GPAT3: variants seen among roughly 807,000 people sequenced by gnomAD.
GPAT3 encodes glycerol-3-phosphate acyltransferase 3.
GPAT3 carries 53 observed loss-of-function variants against 58.8 expected under a neutral mutation model. The ratio of observed to expected loss-of-function variants is 0.90; its 90% CI spans 0.72 to 1.13. The LOEUF is 1.13. Ranked by LOEUF, GPAT3 falls within the 50% of genes most tolerant of loss-of-function variation. GPAT3 has a pLI of 0.00. For missense variants in GPAT3, 511 were observed against 527.6 expected (o/e 0.97, Z 0.31); for synonymous variants, 197 against 187.4 (o/e 1.05, Z -0.42).
At position 83,578,948 on chromosome 4, in the gene GPAT3, T is replaced by TCTTTCTTTCTTTCTTTCTTGCTTTCTTTC. The variant is rs11392342; in HGVS notation, c.209-2614_209-2613insCTTTCTTTCTTTCTTTCTTGCTTTCTTTC. Among the ~76,000 whole-genome samples, 14 of 71,844 alleles carry TCTTTCTTTCTTTCTTTCTTGCTTTCTTTC rather than the reference T, an allele frequency of 1.9e-4. 1 individual carries two copies. Among genetic ancestry groups the TCTTTCTTTCTTTCTTTCTTGCTTTCTTTC allele is most frequent in the African/African-American group, 7.9e-4 (14 of 17,826 alleles). 47.1% of individuals were successfully genotyped at this position (71,844 alleles called of 152,430 possible). A position where few individuals can be genotyped will look rare whatever the true frequency, so the allele number is the denominator to read the frequency against. ...TTCTTTCTTTCTTTCTTTTCTTTTC[T>TCTTTCTTTCTTTCTTTCTTGCTTTCTTTC]TTTCTTTCTTTCTTTCTTTCTTTCT... On this transcript the variant is annotated intron_variant, in intron 2 of 11. Transcript: ENST00000264409.
intron 1 of GPAT3, 84 bp downstream of exon 1, chr4:83,536,847 G>A (rs962384655): frequency 7.4e-7 from 1 of 1,356,304 alleles, no homozygotes; most frequent in Non-Finnish European, 1.0e-6. Context: ...CAGTGGTCGC[G>A]AGTCAGGGGT....
At chr4:83,590,530 C>T (rs1726556539) in intron 6 of GPAT3, among the ~76,000 whole-genome samples, 1 of 152,172 alleles carries the variant, frequency 6.6e-6, no homozygotes. Flanking sequence ...TGCAGACATT[C>T]TTGAGCTTAA....
chr4:83,539,329 C>A (rs1724211370), intron 1 of GPAT3, among the ~76,000 whole-genome samples: 1 of 152,182 alleles, frequency 6.6e-6, no homozygotes, highest in African/African-American at 2.4e-5. Context: ...TTTTTCTTTA[C>A]ATTTCATTCC....
intron 7 of GPAT3, among the ~76,000 whole-genome samples, chr4:83,596,052 G>A (rs573926245): frequency 2.7e-4 from 41 of 152,226 alleles, no homozygotes; most frequent in Non-Finnish European, 4.3e-4. Context: ...TGGTTGCAGG[G>A]AGGACAGGAC....
chr4:83,545,814 A>G (rs1724485135), intron 2 of GPAT3, among the ~76,000 whole-genome samples: 1 of 152,150 alleles, frequency 6.6e-6, no homozygotes. Flanking sequence ...CTTATGATTT[A>G]AGGAAAGAAC....
At chr4:83,573,281 G>T (rs1218367869) in intron 2 of GPAT3, among the ~76,000 whole-genome samples, 2 of 152,118 alleles carry the variant, frequency 1.3e-5, no homozygotes, top group African/African-American at 4.8e-5. Context: ...TGGGACTACA[G>T]GTGCTTGCCA....
chr4:83,554,338 T>C (rs1724872488), intron 2 of GPAT3, among the ~76,000 whole-genome samples: 1 of 152,126 alleles, frequency 6.6e-6, no homozygotes, highest in Non-Finnish European at 1.5e-5. Flanking sequence ...TTAGCCAGTA[T>C]CTACCACATT....
chr4:83,539,625 TATC>T (rs925417087), intron 1 of GPAT3, among the ~76,000 whole-genome samples: 32 of 152,342 alleles, frequency 2.1e-4, no homozygotes, highest in African/African-American at 7.5e-4. Flanking sequence ...TTCAAGTAAT[TATC>T]ATTTATTGAG....
At chr4:83,546,582 C>A (rs1400168114) in intron 2 of GPAT3, among the ~76,000 whole-genome samples, 1 of 151,988 alleles carries the variant, frequency 6.6e-6, no homozygotes, top group Non-Finnish European at 1.5e-5. Flanking sequence ...AATGCTGATA[C>A]CCGCAAAATT....
chr4:83,560,964 C>T (rs369030482), intron 2 of GPAT3, among the ~76,000 whole-genome samples: 51 of 152,264 alleles, frequency 3.3e-4, no homozygotes, highest in African/African-American at 1.0e-3. Flanking sequence ...CCTGCAGACC[C>T]GTGAGACAAT....
In GPAT3 at chr4:83,561,819, AAG is replaced by A. The variant is rs70965358; in HGVS notation, c.208+17227_208+17228del. 3.4e-4 allele frequency among the ~76,000 whole-genome samples: 51 copies of A among 151,468 alleles called. No individual in the cohort carries two copies. The East Asian group carries it at 6.0e-3, about 18-fold the overall frequency. On this transcript the variant is annotated intron_variant, in intron 2 of 11. Transcript: ENST00000264409. ...CCCCTTTTTTGGTAAAAAAAAAAAA[AAG>A]AGAGAGAGAATTGCCTTGCCATTCC...
chr4:83,579,392 A>G (rs1242757565), intron 2 of GPAT3, among the ~76,000 whole-genome samples: 1 of 149,142 alleles, frequency 6.7e-6, no homozygotes, highest in African/African-American at 2.5e-5. Context: ...TTCTGGGCTC[A>G]AGTGATCCCC....
chr4:83,537,685 G>C (rs921474037), intron 1 of GPAT3, among the ~76,000 whole-genome samples: 1 of 151,132 alleles, frequency 6.6e-6, no homozygotes, highest in Non-Finnish European at 1.5e-5. Context: ...TGAACTCCTG[G>C]CCTCAAGCAA....
chr4:83,588,183 A>T, intron 4 of GPAT3, 27 bp from the exon 5 acceptor site: 1 of 1,606,036 alleles, frequency 6.2e-7, no homozygotes, highest in Non-Finnish European at 8.5e-7. Context: ...CCAGAATGGC[A>T]CAATAAAATG....
chr4:83,577,951 C>T (rs112534188), intron 2 of GPAT3, among the ~76,000 whole-genome samples: 5,303 of 151,966 alleles, frequency 0.035, 319 homozygotes, highest in African/African-American at 0.12. Flanking sequence ...AGGCGTGTGC[C>T]GCCACGCCTG....
At chr4:83,593,640 A>G (rs1445465288) in intron 6 of GPAT3, among the ~76,000 whole-genome samples, 1 of 152,102 alleles carries the variant, frequency 6.6e-6, no homozygotes, top group Non-Finnish European at 1.5e-5. Context: ...TGATACATCT[A>G]AAATTATTTC....
intron 2 of GPAT3, among the ~76,000 whole-genome samples, chr4:83,572,080 T>C (rs2110089583): frequency 6.6e-6 from 1 of 152,264 alleles, no homozygotes; most frequent in Non-Finnish European, 1.5e-5. Context: ...GCTTCATATA[T>C]ATATTTTAAA....
chr4:83,536,613 G>T lies in GPAT3; in HGVS notation c.-10G>T. 1 of 1,611,178 alleles carries T rather than the reference G, an allele frequency of 6.2e-7. No individual in the cohort carries two copies. The highest frequency in any genetic ancestry group is 1.1e-5 in the South Asian group (1 of 90,794). ...CACTGCGGACCTCTCCTGAGTGGGTGCGCCGAGTCATGGAGGGCGCAGAGC... is the reference window on the plus strand; with the variant it reads ...CACTGCGGACCTCTCCTGAGTGGGTTCGCCGAGTCATGGAGGGCGCAGAGC... On this transcript the variant is annotated 5_prime_UTR_variant, in exon 1 of 12. Transcript: ENST00000264409.
rs70965361 is a variant in GPAT3 at position 83,598,751 on chromosome 4, CTTTTTTTTTTTTTTTTTTTTTTTT to C, written c.1205+41_1205+64del. 0.022 allele frequency: 3,409 copies of C among 152,494 alleles called. 197 individuals are homozygous for C. The African/African-American group carries it at 0.25, about 11-fold the overall frequency. 9.4% of individuals were successfully genotyped at this position (152,494 alleles called of 1,614,324 possible). On this transcript the variant is annotated intron_variant, in intron 11 of 11. Transcript: ENST00000264409. ...AAGAGAACTTTCAGAAGTACTATCA[CTTTTTTTTTTTTTTTTTTTTTTTT>C]TTTTTTTTTTTTAGAGAATGCCTCA...
Sources: gnomAD v4.1 joint callset for allele counts (sites outside exome capture counted in the v4.1 genomes callset) on GRCh38, gnomAD v4.1.1 for gene constraint, MANE v1.5 for transcripts, NCBI Gene and HGNC (gene_info 2026-07-23, HGNC 2026-07-21) for gene names.